Variants in CACNA2D3 observed in about 807,000 individuals in gnomAD.
CACNA2D3 encodes the protein calcium voltage-gated channel auxiliary subunit alpha2delta 3.
CACNA2D3 carries 60 observed loss-of-function variants against 160.6 expected under a neutral mutation model. The ratio of observed to expected loss-of-function variants is 0.37; its 90% CI spans 0.30 to 0.46. The LOEUF (loss-of-function observed/expected upper bound fraction) is 0.46, where lower values mean the gene tolerates loss of function less well. Among genes scored for constraint, CACNA2D3 ranks in the 20% least tolerant of loss-of-function variants. The pLI is 1.00. For missense variants in CACNA2D3, 1,205 were observed against 1,365.0 expected (o/e 0.88, Z 1.85); for synonymous variants, 558 against 492.9 (o/e 1.13, Z -1.75).
chr3:54,884,388 A>T (rs1699877674), intron 21 of CACNA2D3, among the ~76,000 whole-genome samples: 1 of 152,226 alleles, frequency 6.6e-6, no homozygotes, highest in Admixed American at 6.5e-5. Flanking sequence ...CTGTAAAATC[A>T]AGCAGAATTG....
chr3:54,139,684 T>C (rs1699883912), intron 2 of CACNA2D3, among the ~76,000 whole-genome samples: 1 of 152,232 alleles, frequency 6.6e-6, no homozygotes, highest in Non-Finnish European at 1.5e-5. Flanking sequence ...ATTTCCCTGA[T>C]CCACCCTCCC....
intron 4 of CACNA2D3, among the ~76,000 whole-genome samples, chr3:54,408,693 A>C (rs572874321): frequency 1.7e-4 from 26 of 152,318 alleles, no homozygotes; most frequent in Admixed American, 1.7e-3. Flanking sequence ...TGAATTATTA[A>C]TAAGAGCCAA....
chr3:54,695,799 C>T (rs1198859048), intron 11 of CACNA2D3, among the ~76,000 whole-genome samples: 2 of 152,170 alleles, frequency 1.3e-5, no homozygotes, highest in African/African-American at 4.8e-5. Flanking sequence ...TGCAAGAAGT[C>T]TTTTCATAGA....
rs765364850 is a variant in CACNA2D3 at position 54,562,906 on chromosome 3, A to C, written c.651A>C (p.Ala217=). The C allele has an allele frequency of 1.2e-6, 2 of 1,613,810 alleles. No homozygotes were observed. Among genetic ancestry groups the C allele is most frequent in the Admixed American group, 3.3e-5 (2 of 60,028 alleles). ...TCATATGGCAGTACTTTGGAAGTGCAAAGGGCTTTTTTAGGCAGTATCCGG... is the reference window on the plus strand; with the variant it reads ...TCATATGGCAGTACTTTGGAAGTGCCAAGGGCTTTTTTAGGCAGTATCCGG... The part of the protein sequence containing the change: ...PSLIWQYFGS[A]KGFFRQYPGI... Residue 217 remains alanine, a synonymous_variant, in exon 6 of 38, where the codon GCA becomes GCC. Transcript: ENST00000474759.
At chr3:54,648,455 A>ATATT (rs1257463937) in intron 11 of CACNA2D3, among the ~76,000 whole-genome samples, 2 of 152,212 alleles carry the variant, frequency 1.3e-5, no homozygotes, top group African/African-American at 4.8e-5. Context: ...GTTTCCCACC[A>ATATT]CTAATCTAAA....
At chr3:54,463,777 A>C (rs1700554882) in intron 4 of CACNA2D3, among the ~76,000 whole-genome samples, 1 of 152,182 alleles carries the variant, frequency 6.6e-6, no homozygotes, top group Non-Finnish European at 1.5e-5. Context: ...AACTCTTCAA[A>C]GTCATTCTCC....
intron 2 of CACNA2D3, among the ~76,000 whole-genome samples, chr3:54,214,945 G>A (rs772816990): frequency 1.3e-5 from 2 of 152,292 alleles, no homozygotes; most frequent in South Asian, 4.2e-4. Context: ...CCTGATAGGG[G>A]AAAACAGTCT....
intron 4 of CACNA2D3, among the ~76,000 whole-genome samples, chr3:54,443,537 G>A (rs970368736): frequency 3.9e-5 from 6 of 152,166 alleles, no homozygotes; most frequent in African/African-American, 1.4e-4. Flanking sequence ...TTGGCAGGGG[G>A]ACAGGGCCTC....
At chr3:54,922,448 A>G (rs1371665213) in intron 27 of CACNA2D3, among the ~76,000 whole-genome samples, 2 of 152,154 alleles carry the variant, frequency 1.3e-5, no homozygotes, top group East Asian at 3.9e-4. Context: ...GACGTAAACA[A>G]TTTTATTTGT....
At chr3:54,790,381 C>G (rs1382212565) in intron 13 of CACNA2D3, among the ~76,000 whole-genome samples, 1 of 152,158 alleles carries the variant, frequency 6.6e-6, no homozygotes, top group Non-Finnish European at 1.5e-5. Context: ...CACGTACATA[C>G]TGTTTAGCAT....
intron 34 of CACNA2D3, among the ~76,000 whole-genome samples, chr3:55,010,599 A>G (rs1703189865): frequency 1.3e-5 from 2 of 152,142 alleles, no homozygotes; most frequent in African/African-American, 4.8e-5. Flanking sequence ...TCATTTTCCT[A>G]CTTGGGAGGC....
chr3:54,818,021 C>T (rs1378969336), intron 14 of CACNA2D3, among the ~76,000 whole-genome samples: 9 of 145,676 alleles, frequency 6.2e-5, no homozygotes, highest in African/African-American at 2.2e-4. Context: ...TTCTTAATTA[C>T]CTACATTTGA....
intron 18 of CACNA2D3, chr3:54,877,023 C>T (rs770702408): frequency 2.6e-5 from 4 of 152,090 alleles, no homozygotes; most frequent in Non-Finnish European, 4.4e-5. Context: ...TACCTCTTTA[C>T]CTGGGGCTGT....
chr3:54,736,025 ATATATATATG>A lies in CACNA2D3; in HGVS notation c.1168-16564_1168-16555del, dbSNP rs1559563494. 3.8e-3 allele frequency among the ~76,000 whole-genome samples: 213 copies of A among 55,508 alleles called. 4 individuals carry two copies. Among genetic ancestry groups the A allele is most frequent in the African/African-American group, 0.012 (147 of 12,402 alleles). The allele number at this position is 55,508 out of a possible 152,430, so 36.4% of individuals were successfully genotyped here. ...TATATATGTATATATATACACATACATATATATATGTATATATATACACATACATATGTAT... is the reference window on the plus strand; with the variant it reads ...TATATATGTATATATATACACATACATATATATATACACATACATATGTAT... On this transcript the variant is annotated intron_variant, in intron 11 of 37. Coordinates refer to ENST00000474759, the MANE Select transcript of CACNA2D3 (RefSeq NM_018398.3).
intron 4 of CACNA2D3, among the ~76,000 whole-genome samples, chr3:54,401,006 A>C (rs1003210233): frequency 6.6e-6 from 1 of 152,174 alleles, no homozygotes; most frequent in Non-Finnish European, 1.5e-5. Context: ...CAGAAAAAAA[A>C]TTCATGATCT....
intron 4 of CACNA2D3, among the ~76,000 whole-genome samples, chr3:54,446,595 C>T (rs776091233): frequency 1.1e-4 from 17 of 151,924 alleles, no homozygotes; most frequent in Non-Finnish European, 2.4e-4. Flanking sequence ...TTTTTTGTGT[C>T]CTTTTTTTCC....
At chr3:54,343,653 C>T (rs914077846) in intron 3 of CACNA2D3, among the ~76,000 whole-genome samples, 9 of 152,164 alleles carry the variant, frequency 5.9e-5, no homozygotes, top group African/African-American at 2.2e-4. Flanking sequence ...AAGAGAGCCT[C>T]TCACCTCATC....
intron 5 of CACNA2D3, among the ~76,000 whole-genome samples, chr3:54,541,796 C>T (rs1701983776): frequency 2.0e-5 from 3 of 152,152 alleles, no homozygotes; most frequent in Non-Finnish European, 4.4e-5. Context: ...TGGATTGAAG[C>T]TAGGCCCAGA....
chr3:54,379,370 C>T (rs7426795), intron 3 of CACNA2D3, among the ~76,000 whole-genome samples: 50,269 of 152,028 alleles, frequency 0.33, 8,527 homozygotes, highest in East Asian at 0.42. Flanking sequence ...GAAATGATCA[C>T]CTTGATAGTT....
Sources: allele counts gnomAD v4.1 joint callset (sites outside exome capture counted in the v4.1 genomes callset), GRCh38; gene constraint gnomAD v4.1.1; transcripts MANE v1.5; gene names NCBI Gene and HGNC (gene_info 2026-07-23, HGNC 2026-07-21).